The following PCID2 variants were observed in gnomAD, a reference collection of about 807,000 sequenced individuals.
PCID2 encodes the protein PCI domain containing 2, also known as PCI domain-containing protein 2.
A neutral mutation model predicts 61.3 loss-of-function variants in PCID2; 41 were observed. The ratio of observed to expected loss-of-function variants is 0.67; its 90% CI spans 0.52 to 0.87. The LOEUF (loss-of-function observed/expected upper bound fraction) is 0.87, where lower values mean the gene tolerates loss of function less well. Among genes scored for constraint, PCID2 ranks in the 40% least tolerant of loss-of-function variants. The probability of loss-of-function intolerance (pLI) is 0.00; values close to 1 mark genes in which losing one functional copy is unlikely to be tolerated. For synonymous variants in PCID2, 187 were observed against 177.8 expected, an observed-to-expected ratio of 1.05 and a Z score of -0.41; for missense variants, 392 against 493.4, an observed-to-expected ratio of 0.79 and a Z score of 1.95.
At chr13:113,196,394 C>T (rs561399136) in intron 4 of PCID2, among the ~76,000 whole-genome samples, 172 bp from the exon 5 acceptor site, 1 of 152,210 alleles carries the variant, frequency 6.6e-6, no homozygotes, top group Non-Finnish European at 1.5e-5. Context: ...TTACAAATAT[C>T]TGTATCTCAT....
chr13:113,196,321 C>A, intron 4 of PCID2, 99 bp from the exon 5 acceptor site: 1 of 894,152 alleles, frequency 1.1e-6, no homozygotes, highest in Non-Finnish European at 1.8e-6. Flanking sequence ...TGTAGATCAC[C>A]CTTGAGCAGA....
In PCID2 at chr13:113,179,185, G is replaced by C. The variant is rs486407; in HGVS notation, c.987-96C>G. The stretch of plus-strand genomic sequence containing the variant: ...CCTCTTAATAAGCCGGTGTTCTAAA[G>C]GAGTAAAAAAATTCCCACCTATTAG... On this transcript the variant is annotated intron_variant, in intron 12 of 13. Coordinates refer to ENST00000337344, the MANE Select transcript of PCID2 (RefSeq NM_001127202.4). The surrounding 1 kb of genome is among the most constrained non-coding windows in gnomAD (Gnocchi z 4.3). The C allele has an allele frequency of 9.0e-7, 1 of 1,111,448 alleles. No individual in the cohort carries two copies. Among genetic ancestry groups the C allele is most frequent in the Non-Finnish European group, 1.3e-6 (1 of 783,218 alleles). The allele number at this position is 1,111,448 out of a possible 1,614,324, so 68.8% of individuals were successfully genotyped here. A position where few individuals can be genotyped will look rare whatever the true frequency, so the allele number is the denominator to read the frequency against.
At chr13:113,180,118 C>T in intron 11 of PCID2, 40 bp downstream of exon 11, 2 of 1,613,564 alleles carry the variant, frequency 1.2e-6, no homozygotes, top group Non-Finnish European at 1.7e-6. Flanking sequence ...ATCAGGCTTG[C>T]ATTTTTAAAA....
chr13:113,202,681 T>C (rs1244462602), intron 1 of PCID2, among the ~76,000 whole-genome samples: 1 of 152,184 alleles, frequency 6.6e-6, no homozygotes, highest in Non-Finnish European at 1.5e-5. Flanking sequence ...AAGAAAAATA[T>C]GTGTGTTTAT....
At chr13:113,202,925 C>G (rs936784873) in intron 1 of PCID2, among the ~76,000 whole-genome samples, 1 of 152,142 alleles carries the variant, frequency 6.6e-6, no homozygotes, top group East Asian at 1.9e-4. Context: ...TATGAGTAAC[C>G]TTTGAAAACA....
downstream of PCID2, among the ~76,000 whole-genome samples, chr13:113,176,877 T>C (rs1486652627): frequency 6.6e-6 from 1 of 152,200 alleles, no homozygotes; most frequent in Non-Finnish European, 1.5e-5. Flanking sequence ...CCGACCGTGC[T>C]GGCAACCCCA....
At chr13:113,185,621 A>C in intron 7 of PCID2, 61 bp from the exon 8 acceptor site, 1 of 1,079,272 alleles carries the variant, frequency 9.3e-7, no homozygotes, top group Non-Finnish European at 1.4e-6. Flanking sequence ...TATAAATCAC[A>C]AAATAAACTG....
chr13:113,171,604 A>C, the PCID2 span: 1 of 1,614,140 alleles, frequency 6.2e-7, no homozygotes, highest in Non-Finnish European at 8.5e-7. This position sits in a 1 kb window ranked among gnomAD's most constrained non-coding sequence, Gnocchi z 5.1. Context: ...ATTTTAACAG[A>C]ACGAGCCAAG....
chr13:113,185,514 C>T lies in PCID2; in HGVS notation c.514G>A (p.Val172Met). ...DSKKWGMLFL[V>M]NQLFKIYFKI... The stretch of plus-strand genomic sequence containing the variant: ...AAGTAGATTTTAAACAGCTGGTTCA[C>T]CAGAAACAGCATGCCCCACTTCTTA... Residue 172 changes from valine to methionine, a missense_variant, in exon 8 of 14, where the codon GTG becomes ATG. Physicochemically the swap from Val to Met is conservative, Grantham distance 21. Coordinates refer to ENST00000337344, the MANE Select transcript of PCID2 (RefSeq NM_001127202.4). 1.9e-6 allele frequency: 3 copies of T among 1,612,920 alleles called. No homozygotes were observed. The highest frequency in any genetic ancestry group is 2.5e-6 in the Non-Finnish European group (3 of 1,178,924).
At position 113,179,184 on chromosome 13, in the gene PCID2, A is replaced by G; in HGVS notation, c.987-95T>C. Reference sequence around the variant, plus strand: ...ACCTCTTAATAAGCCGGTGTTCTAAAGGAGTAAAAAAATTCCCACCTATTA... The same window carrying G: ...ACCTCTTAATAAGCCGGTGTTCTAAGGGAGTAAAAAAATTCCCACCTATTA... On this transcript the variant is annotated intron_variant, in intron 12 of 13. Coordinates refer to ENST00000337344, the MANE Select transcript of PCID2 (RefSeq NM_001127202.4). The surrounding 1 kb of genome is among the most constrained non-coding windows in gnomAD (Gnocchi z 4.3). 1 of 1,140,822 alleles carries G rather than the reference A, an allele frequency of 8.8e-7. No homozygotes were observed. Among genetic ancestry groups the G allele is most frequent in the East Asian group, 2.5e-5 (1 of 40,752 alleles). The allele number at this position is 1,140,822 out of a possible 1,614,324, so 70.7% of individuals were successfully genotyped here. A position where few individuals can be genotyped will look rare whatever the true frequency, so the allele number is the denominator to read the frequency against.
the PCID2 span, among the ~76,000 whole-genome samples, chr13:113,165,549 G>C: frequency 2.6e-5 from 4 of 151,744 alleles, no homozygotes; most frequent in African/African-American, 9.7e-5. Context: ...TGTTTTTTTT[G>C]AGATGGAGTC....
intron 13 of PCID2, 25 bp from the exon 14 acceptor site, chr13:113,178,312 C>G (rs1225968692): frequency 6.4e-7 from 1 of 1,574,172 alleles, no homozygotes; most frequent in Non-Finnish European, 8.7e-7. Context: ...GGGAGGAATG[C>G]GTTTACATTT....
At chr13:113,170,333 T>C in the PCID2 span, 1 of 864,542 alleles carries the variant, frequency 1.2e-6, no homozygotes, top group Admixed American at 1.7e-5. Context: ...GGGTGGTCCA[T>C]ATCCCTATCC....
At chr13:113,189,839 ATGG>A (rs962463608) in intron 7 of PCID2, among the ~76,000 whole-genome samples, 9 of 152,138 alleles carry the variant, frequency 5.9e-5, no homozygotes, top group Non-Finnish European at 1.3e-4. Flanking sequence ...CCTGGCCAAC[ATGG>A]TGAAACCCCA....
At position 113,198,187 on chromosome 13, in the gene PCID2, T is replaced by A; in HGVS notation, c.200+4A>T. 6.3e-7 allele frequency: 1 copy of A among 1,590,838 alleles called. No individual in the cohort carries two copies. Among genetic ancestry groups the A allele is most frequent in the Non-Finnish European group, 8.6e-7 (1 of 1,166,900 alleles). On this transcript the variant is annotated splice_donor_region_variant and intron_variant, in intron 3 of 13. Transcript: ENST00000337344. ...TGTGTTTTTCTTCCTCCCCAACAGATTACCTTAAATGAGCTGCAAACATTT... is the reference window on the plus strand; with the variant it reads ...TGTGTTTTTCTTCCTCCCCAACAGAATACCTTAAATGAGCTGCAAACATTT...
At chr13:113,208,486 A>C in intron 1 of PCID2, 113 bp downstream of exon 1, 1 of 1,540,554 alleles carries the variant, frequency 6.5e-7, no homozygotes, top group Admixed American at 2.0e-5. Flanking sequence ...CCCGAACGGA[A>C]GAAGGGTGGC....
intron 5 of PCID2, among the ~76,000 whole-genome samples, chr13:113,195,824 A>C (rs1355172624): frequency 6.6e-6 from 1 of 152,162 alleles, no homozygotes. Flanking sequence ...GTATTAGAAC[A>C]CCCCAAATGA....
chr13:113,178,339 T>C, intron 13 of PCID2, 52 bp from the exon 14 acceptor site: 1 of 1,319,730 alleles, frequency 7.6e-7, no homozygotes, highest in South Asian at 1.2e-5. Flanking sequence ...CTGAGTCATG[T>C]CAAAGATGCT....
Position 113,190,944 on chromosome 13 carries a change from C to G in PCID2, c.395G>C (p.Ser132Thr). The G allele has an allele frequency of 6.2e-7, 1 of 1,613,412 alleles. No homozygotes were observed. Among genetic ancestry groups the G allele is most frequent in the Non-Finnish European group, 8.5e-7 (1 of 1,179,568 alleles). ...TTTTTCCAACATGTCCCCAACTTTG[C>G]TTTTTCCTTTCTTTACCAACTGTTG... ...ADQQLVKKGKSKVGDMLEKAA... is the reference protein window; with the variant it reads ...ADQQLVKKGKTKVGDMLEKAA... Residue 132 changes from serine to threonine, a missense_variant, in exon 7 of 14, where the codon AGC (serine) becomes ACC (threonine). Coordinates refer to ENST00000337344, the MANE Select transcript of PCID2 (RefSeq NM_001127202.4).
Sources: allele counts gnomAD v4.1 joint callset (sites outside exome capture counted in the v4.1 genomes callset), GRCh38; gene constraint gnomAD v4.1.1; non-coding constraint Gnocchi (gnomAD v3.1); transcripts MANE v1.5; gene names NCBI Gene and HGNC (gene_info 2026-07-23, HGNC 2026-07-21).